GSTCD: variants seen among roughly 807,000 people sequenced by gnomAD.
The protein encoded by GSTCD is glutathione S-transferase C-terminal domain-containing protein.
Under a neutral mutation model 68.3 loss-of-function variants are expected in GSTCD, and 44 were observed. The ratio of observed to expected loss-of-function variants is 0.64; its 90% CI spans 0.51 to 0.83. The LOEUF (loss-of-function observed/expected upper bound fraction) is 0.83, where lower values mean the gene tolerates loss of function less well. Ranked by LOEUF, GSTCD falls within the 40% of genes least tolerant of loss-of-function variation. The pLI, the probability that GSTCD is intolerant of heterozygous loss-of-function variation, is 0.00. For missense variants in GSTCD, 739 were observed against 735.9 expected, an observed-to-expected ratio of 1.00 and a Z score of -0.05; for synonymous variants, 273 against 255.2, an observed-to-expected ratio of 1.07 and a Z score of -0.67.
chr4:105,832,466 A>C (rs1346598787), intron 8 of GSTCD, among the ~76,000 whole-genome samples: 1 of 152,126 alleles, frequency 6.6e-6, no homozygotes, highest in African/African-American at 2.4e-5. Flanking sequence ...ACTTTTTTGC[A>C]TGTAGTGTAA....
At chr4:105,744,997 A>G (rs905865307) in intron 5 of GSTCD, among the ~76,000 whole-genome samples, 4 of 152,214 alleles carry the variant, frequency 2.6e-5, no homozygotes, top group African/African-American at 9.7e-5. Flanking sequence ...ATCTATATAT[A>G]TGTATACTAA....
At chr4:105,786,746 A>G (rs1352635347) in intron 5 of GSTCD, among the ~76,000 whole-genome samples, 1 of 152,138 alleles carries the variant, frequency 6.6e-6, no homozygotes, top group Non-Finnish European at 1.5e-5. Flanking sequence ...TATATGCTCA[A>G]CATCATTAGC....
intron 3 of GSTCD, among the ~76,000 whole-genome samples, chr4:105,720,579 C>T (rs1479012753): frequency 1.3e-5 from 2 of 152,090 alleles, no homozygotes; most frequent in Non-Finnish European, 2.9e-5. Context: ...GCAACCAAAA[C>T]AATATAAAAA....
chr4:105,729,167 T>C (rs1330101493), intron 4 of GSTCD, among the ~76,000 whole-genome samples: 1 of 152,164 alleles, frequency 6.6e-6, no homozygotes, highest in Non-Finnish European at 1.5e-5. Context: ...AGTAATAATT[T>C]TAAAATAGCA....
intron 5 of GSTCD, among the ~76,000 whole-genome samples, chr4:105,778,822 A>G (rs1007836577): frequency 6.6e-6 from 1 of 152,118 alleles, no homozygotes; most frequent in Non-Finnish European, 1.5e-5. Flanking sequence ...GAATAGTACA[A>G]TAATTCTAAT....
chr4:105,779,311 G>T (rs900263082), intron 5 of GSTCD, among the ~76,000 whole-genome samples: 4 of 152,124 alleles, frequency 2.6e-5, no homozygotes, highest in African/African-American at 9.7e-5. Flanking sequence ...GTTTTCTGAT[G>T]ATTAGAATCA....
chr4:105,818,998 C>A (rs1370821376), intron 5 of GSTCD, among the ~76,000 whole-genome samples: 1 of 151,582 alleles, frequency 6.6e-6, no homozygotes, highest in Non-Finnish European at 1.5e-5. Flanking sequence ...TAAAAGAACA[C>A]CTTAGTTGGT....
intron 5 of GSTCD, among the ~76,000 whole-genome samples, chr4:105,756,841 G>A (rs1219691043): frequency 2.0e-5 from 3 of 152,012 alleles, no homozygotes; most frequent in African/African-American, 7.2e-5. Context: ...TAAGTTACAT[G>A]CATTGTGTAA....
At chr4:105,798,365 T>A (rs1176155762) in intron 5 of GSTCD, among the ~76,000 whole-genome samples, 2 of 151,942 alleles carry the variant, frequency 1.3e-5, no homozygotes, top group East Asian at 3.8e-4. Flanking sequence ...TATTGTGACC[T>A]CCTCCTGTGA....
At chr4:105,814,710 C>A (rs1041581579) in intron 5 of GSTCD, among the ~76,000 whole-genome samples, 9 of 152,196 alleles carry the variant, frequency 5.9e-5, no homozygotes, top group Non-Finnish European at 1.0e-4. Flanking sequence ...TCAATACTTT[C>A]CCAGACTGAG....
intron 3 of GSTCD, among the ~76,000 whole-genome samples, chr4:105,725,995 T>G (rs1408495336): frequency 2.6e-5 from 4 of 152,128 alleles, no homozygotes; most frequent in African/African-American, 9.7e-5. Context: ...AAAAGTTAAA[T>G]ATACAGTTAC....
chr4:105,836,637 G>A (rs1032092354), intron 9 of GSTCD, among the ~76,000 whole-genome samples: 2 of 152,136 alleles, frequency 1.3e-5, no homozygotes, highest in East Asian at 1.9e-4. Context: ...TGAGGCGGGG[G>A]TGGGGGCTGG....
chr4:105,801,233 A>G (rs1488187462), intron 5 of GSTCD, among the ~76,000 whole-genome samples: 1 of 152,180 alleles, frequency 6.6e-6, no homozygotes, highest in Non-Finnish European at 1.5e-5. Flanking sequence ...AGCTAGGAAC[A>G]TGTAATCAGG....
intron 5 of GSTCD, among the ~76,000 whole-genome samples, chr4:105,747,442 G>C (rs984686897): frequency 6.6e-6 from 1 of 152,178 alleles, no homozygotes; most frequent in Non-Finnish European, 1.5e-5. Flanking sequence ...CTGTGATACT[G>C]CTTCTGCTGC....
chr4:105,789,004 C>T (rs1449393989), intron 5 of GSTCD, among the ~76,000 whole-genome samples: 1 of 151,968 alleles, frequency 6.6e-6, no homozygotes, highest in Non-Finnish European at 1.5e-5. Context: ...ATAGAGATGA[C>T]GTGTCTTCAA....
chr4:105,797,153 T>TTAA (rs1195862836), intron 5 of GSTCD, among the ~76,000 whole-genome samples: 1 of 151,818 alleles, frequency 6.6e-6, no homozygotes, highest in Non-Finnish European at 1.5e-5. Context: ...ACACCAGGAT[T>TTAA]TAATAGTCAT....
intron 5 of GSTCD, among the ~76,000 whole-genome samples, chr4:105,796,457 A>G (rs1361106771): frequency 6.6e-6 from 1 of 152,140 alleles, no homozygotes; most frequent in African/African-American, 2.4e-5. Context: ...TTGTCATATC[A>G]TTTTTATTTT....
intron 4 of GSTCD, among the ~76,000 whole-genome samples, chr4:105,728,606 C>A (rs1733118900): frequency 6.6e-6 from 1 of 151,698 alleles, no homozygotes; most frequent in Non-Finnish European, 1.5e-5. Context: ...ATGCTAGAGT[C>A]TCACAGATTT....
intron 8 of GSTCD, among the ~76,000 whole-genome samples, chr4:105,831,305 A>G (rs964242445): frequency 5.3e-5 from 8 of 152,142 alleles, no homozygotes; most frequent in Admixed American, 5.2e-4. Context: ...ATTCAGTTCA[A>G]CCTTCTCCTT....
Sources: gnomAD v4.1 joint callset for allele counts (sites outside exome capture counted in the v4.1 genomes callset) on GRCh38, gnomAD v4.1.1 for gene constraint, MANE v1.5 for transcripts, NCBI Gene and HGNC (gene_info 2026-07-23, HGNC 2026-07-21) for gene names.